Variants in TENM3 observed in about 807,000 individuals in gnomAD.
The protein encoded by TENM3 is teneurin-3.
TENM3 carries 63 observed loss-of-function variants against 255.1 expected under a neutral mutation model. The observed-to-expected ratio is 0.25, with a 90% CI of 0.20 to 0.30. The LOEUF is 0.30. TENM3 is among the 10% of genes least tolerant of loss of function. The probability of loss-of-function intolerance (pLI) is 1.00; values close to 1 mark genes in which losing one functional copy is unlikely to be tolerated. For synonymous variants in TENM3, 1,306 were observed against 1,322.3 expected, an observed-to-expected ratio of 0.99 and a Z score of 0.27; for missense variants, 2,929 against 3,461.1, an observed-to-expected ratio of 0.85 and a Z score of 3.86.
the TENM3 span, chr4:181,820,409 G>A: frequency 6.6e-6 from 1 of 151,884 alleles, no homozygotes; most frequent in South Asian, 2.1e-4. Flanking sequence ...AGTAGATTAA[G>A]TACAAGAAAC....
chr4:181,998,673 CA>C, the TENM3 span, among the ~76,000 whole-genome samples: 9 of 152,280 alleles, frequency 5.9e-5, no homozygotes, highest in African/African-American at 2.2e-4. Context: ...CAAATGACCT[CA>C]GCAGAAAAGC....
intron 3 of TENM3, among the ~76,000 whole-genome samples, chr4:182,357,882 A>G (rs1175672807): frequency 1.3e-5 from 2 of 151,756 alleles, no homozygotes; most frequent in African/African-American, 4.8e-5. Flanking sequence ...TCCATCTTGA[A>G]TTGATTTTTG....
chr4:182,388,084 AACCTT>A (rs1265638160), intron 3 of TENM3, among the ~76,000 whole-genome samples: 1 of 152,144 alleles, frequency 6.6e-6, no homozygotes, highest in East Asian at 1.9e-4. Context: ...TGAGGAATTA[AACCTT>A]GCGAATTAGG....
At chr4:182,541,095 C>T (rs1020894755) in intron 3 of TENM3, among the ~76,000 whole-genome samples, 1 of 152,194 alleles carries the variant, frequency 6.6e-6, no homozygotes, top group African/African-American at 2.4e-5. Flanking sequence ...AAAAAACTTG[C>T]TCAACTTCAA....
the TENM3 span, among the ~76,000 whole-genome samples, chr4:182,075,352 C>T: frequency 3.9e-5 from 6 of 152,102 alleles, no homozygotes; most frequent in Non-Finnish European, 7.4e-5. Flanking sequence ...GCACATGTCA[C>T]CACACCCTGC....
chr4:182,098,750 G>T, the TENM3 span, among the ~76,000 whole-genome samples: 1 of 152,078 alleles, frequency 6.6e-6, no homozygotes, highest in Non-Finnish European at 1.5e-5. Context: ...ATACAATCTG[G>T]TGTTCAGTAG....
the TENM3 span, among the ~76,000 whole-genome samples, chr4:181,918,943 G>T: frequency 2.0e-5 from 3 of 152,166 alleles, no homozygotes; most frequent in Admixed American, 6.5e-5. Context: ...ACTTTAATAG[G>T]ATGTTAACTT....
the TENM3 span, among the ~76,000 whole-genome samples, chr4:181,856,746 C>T: frequency 1.3e-5 from 2 of 152,268 alleles, no homozygotes; most frequent in African/African-American, 4.8e-5. Flanking sequence ...CATACTGGCT[C>T]TCTCTGTTGT....
At chr4:182,112,769 T>A in the TENM3 span, among the ~76,000 whole-genome samples, 2 of 152,188 alleles carry the variant, frequency 1.3e-5, no homozygotes, top group Non-Finnish European at 2.9e-5. Context: ...CATCCCGGAA[T>A]CTCCACTGAG....
At chr4:181,822,225 A>G in the TENM3 span, among the ~76,000 whole-genome samples, 1 of 152,216 alleles carries the variant, frequency 6.6e-6, no homozygotes, top group East Asian at 1.9e-4. Flanking sequence ...ACACAGTGAG[A>G]TAAAAACCCT....
chr4:181,681,177 T>C, the TENM3 span, among the ~76,000 whole-genome samples: 1 of 151,754 alleles, frequency 6.6e-6, no homozygotes, highest in African/African-American at 2.4e-5. Context: ...CAGAAGAGAG[T>C]AAAGGAGCAA....
chr4:181,719,896 C>T, the TENM3 span, among the ~76,000 whole-genome samples: 6 of 152,172 alleles, frequency 3.9e-5, no homozygotes, highest in Non-Finnish European at 1.5e-5. Context: ...ACAGCCACCT[C>T]CTTGGATTCG....
chr4:181,883,912 G>C, the TENM3 span, among the ~76,000 whole-genome samples: 2 of 152,152 alleles, frequency 1.3e-5, no homozygotes, highest in Non-Finnish European at 2.9e-5. Flanking sequence ...GAGCTTTCTG[G>C]TTGCCGGAAG....
At chr4:182,247,018 G>T (rs566146371) in intron 1 of TENM3, among the ~76,000 whole-genome samples, 5 of 152,296 alleles carry the variant, frequency 3.3e-5, no homozygotes, top group Admixed American at 2.0e-4. Context: ...AACCAGCCGT[G>T]TGGGCAGCTG....
the TENM3 span, among the ~76,000 whole-genome samples, chr4:181,699,697 G>A: frequency 6.6e-6 from 1 of 152,084 alleles, no homozygotes; most frequent in Non-Finnish European, 1.5e-5. Flanking sequence ...GTCATCTCAT[G>A]TAGATGTGAT....
chr4:182,760,965 G>C (rs1431447964), intron 22 of TENM3, among the ~76,000 whole-genome samples: 1 of 152,096 alleles, frequency 6.6e-6, no homozygotes, highest in Non-Finnish European at 1.5e-5. Flanking sequence ...AAAACGCAAT[G>C]ATAATTATTC....
chr4:182,274,740 T>G (rs1470507851), intron 1 of TENM3, among the ~76,000 whole-genome samples: 1 of 152,164 alleles, frequency 6.6e-6, no homozygotes, highest in African/African-American at 2.4e-5. Context: ...ACTTTTAGAG[T>G]ACATAGACAG....
the TENM3 span, among the ~76,000 whole-genome samples, chr4:181,585,845 A>G: frequency 6.6e-6 from 1 of 152,258 alleles, no homozygotes; most frequent in African/African-American, 2.4e-5. Flanking sequence ...ATTAATTTAA[A>G]CAGGAGGGTC....
At chr4:182,269,766 A>T (rs191531919) in intron 1 of TENM3, among the ~76,000 whole-genome samples, 58 of 152,270 alleles carry the variant, frequency 3.8e-4, no homozygotes, top group African/African-American at 1.3e-3. Context: ...TCTGTAAAAG[A>T]TTTAAAGAGG....
Sources: allele counts gnomAD v4.1 joint callset (sites outside exome capture counted in the v4.1 genomes callset), GRCh38; gene constraint gnomAD v4.1.1; transcripts MANE v1.5; gene names NCBI Gene and HGNC (gene_info 2026-07-23, HGNC 2026-07-21).